The following GSG1L variants were observed in gnomAD, a reference collection of about 807,000 sequenced individuals.
GSG1L encodes the protein germ cell-specific gene 1-like protein.
A neutral mutation model predicts 42.1 loss-of-function variants in GSG1L; 24 were observed. The observed-to-expected ratio is 0.57, with a 90% CI of 0.41 to 0.80. The LOEUF is 0.80. Among genes scored for constraint, GSG1L ranks in the 30% least tolerant of loss-of-function variants. GSG1L has a pLI of 0.00. For missense variants in GSG1L, 445 were observed against 472.2 expected (o/e 0.94, Z 0.53); for synonymous variants, 215 against 203.5 (o/e 1.06, Z -0.48).
Position 27,963,163 on chromosome 16 carries a change from C to T in GSG1L, c.390G>A (p.Ser130=), listed in dbSNP as rs772305546. The T allele has an allele frequency of 6.1e-5, 99 of 1,613,594 alleles. No homozygotes were observed. The highest frequency in any genetic ancestry group is 7.2e-5 in the Non-Finnish European group (85 of 1,179,674). The change falls in exon 2 of 7, where the codon TCG becomes TCA. Residue 130 remains serine, a synonymous_variant. Coordinates refer to ENST00000447459, the MANE Select transcript of GSG1L (RefSeq NM_001109763.2). ...AGCTGGGGTCACACTCACCTTTCTC[C>T]GATGCCGGGGCCAGGTCAATGAAGC... The part of the protein sequence containing the change: ...CRSFIDLAPA[S]EKGVLWLSVV...
intron 1 of GSG1L, among the ~76,000 whole-genome samples, chr16:27,992,680 T>C (rs1200104852): frequency 2.0e-5 from 3 of 152,216 alleles, no homozygotes; most frequent in Admixed American, 2.0e-4. Flanking sequence ...TGCATAGATC[T>C]GCTCATTGCA....
At position 28,063,295 on chromosome 16, in the gene GSG1L, A is replaced by C; in HGVS notation, c.130T>G (p.Cys44Gly). 1 of 1,379,732 alleles carries C rather than the reference A, an allele frequency of 7.2e-7. No individual in the cohort carries two copies. The highest frequency in any genetic ancestry group is 1.4e-5 in the South Asian group (1 of 71,706). 85.5% of individuals were successfully genotyped at this position (1,379,732 alleles called of 1,614,324 possible). The change falls in exon 1 of 7, where the codon TGC becomes GGC. Residue 44 changes from cysteine to glycine, a missense_variant. By Grantham distance (159) the Cys-to-Gly change is radical. This residue lies in a region of GSG1L where 156 missense variants were observed against 128.3 expected (regional missense o/e 1.22). Coordinates refer to ENST00000447459, the MANE Select transcript of GSG1L (RefSeq NM_001109763.2). The surrounding 1 kb of genome is among the most constrained non-coding windows in gnomAD (Gnocchi z 5.8). Reference sequence around the variant, plus strand: ...CAGTTGGCGCGCCCGCCCTGGCCGCAGCCCGGCTTGGGGACCCGCTGCGTG... The same window carrying C: ...CAGTTGGCGCGCCCGCCCTGGCCGCCGCCCGGCTTGGGGACCCGCTGCGTG... ...QGTQRVPKPG[C>G]GQGGRANCPN...
intron 1 of GSG1L, among the ~76,000 whole-genome samples, chr16:27,998,852 T>G (rs973808102): frequency 3.1e-4 from 47 of 151,142 alleles, no homozygotes; most frequent in African/African-American, 1.1e-3. Context: ...AACCAGTCCC[T>G]CCACCTGAAA....
chr16:28,031,225 T>G (rs1305615845), intron 1 of GSG1L, among the ~76,000 whole-genome samples: 8 of 84,836 alleles, frequency 9.4e-5, no homozygotes, highest in African/African-American at 3.6e-4. Context: ...TGGAATAGGA[T>G]GGGATGGGAT....
At chr16:28,028,081 C>T (rs142608571) in intron 1 of GSG1L, among the ~76,000 whole-genome samples, 25 of 152,294 alleles carry the variant, frequency 1.6e-4, no homozygotes, top group African/African-American at 5.5e-4. Context: ...TGTGTCATTT[C>T]GTGAGTCTTT....
chr16:27,851,596 A>G (rs999176587), intron 3 of GSG1L, among the ~76,000 whole-genome samples: 3 of 152,124 alleles, frequency 2.0e-5, no homozygotes, highest in Non-Finnish European at 4.4e-5. Context: ...AGCGGCAAGC[A>G]GAGGGTATGA....
chr16:28,038,578 G>A lies in GSG1L; in HGVS notation c.349+24498C>T, dbSNP rs556144010. Among the ~76,000 whole-genome samples the A allele has an allele frequency of 1.2e-3, 187 of 152,162 alleles. 1 individual carries two copies. Among genetic ancestry groups the A allele is most frequent in the South Asian group, 3.3e-3 (16 of 4,808 alleles). On this transcript the variant is annotated intron_variant, in intron 1 of 6. Coordinates refer to ENST00000447459, the MANE Select transcript of GSG1L (RefSeq NM_001109763.2). ...GGAGTGTGGAATTGGTACTACGGGC[G>A]GTGGGGGGAGTCTGTCTCCATGGTT...
intron 1 of GSG1L, among the ~76,000 whole-genome samples, chr16:28,010,531 TGGA>T (rs1282995889): frequency 4.6e-5 from 7 of 152,154 alleles, no homozygotes; most frequent in African/African-American, 1.4e-4. Flanking sequence ...CTGTTCAATC[TGGA>T]GGTGCCACCG....
intron 1 of GSG1L, among the ~76,000 whole-genome samples, chr16:27,984,618 AT>A (rs1015234218): frequency 7.8e-4 from 119 of 151,890 alleles, no homozygotes; most frequent in African/African-American, 2.8e-3. Flanking sequence ...TCAGGTTATA[AT>A]TTTTTTTCTA....
intron 1 of GSG1L, among the ~76,000 whole-genome samples, chr16:28,056,269 G>A (rs189631069): frequency 1.1e-4 from 17 of 152,092 alleles, no homozygotes; most frequent in African/African-American, 1.9e-4. Context: ...GCACATATAC[G>A]CCATGGAATA....
chr16:27,973,475 G>A (rs1328839351), intron 1 of GSG1L, among the ~76,000 whole-genome samples: 1 of 133,742 alleles, frequency 7.5e-6, no homozygotes, highest in African/African-American at 2.7e-5. Context: ...AAAAGAGTGT[G>A]TGCTTAGGAG....
At chr16:27,819,596 CAG>C (rs1400097256) in intron 5 of GSG1L, among the ~76,000 whole-genome samples, 3 of 152,174 alleles carry the variant, frequency 2.0e-5, no homozygotes, top group African/African-American at 7.2e-5. Flanking sequence ...AGCACTCCAG[CAG>C]AGAGAAGAGT....
At chr16:28,045,388 T>C (rs1033378078) in intron 1 of GSG1L, among the ~76,000 whole-genome samples, 3 of 152,028 alleles carry the variant, frequency 2.0e-5, no homozygotes, top group African/African-American at 4.8e-5. Context: ...TTTAAAAAAG[T>C]GTATTGGCCA....
chr16:28,039,036 G>A (rs985533176), intron 1 of GSG1L, among the ~76,000 whole-genome samples: 4 of 152,128 alleles, frequency 2.6e-5, no homozygotes, highest in African/African-American at 9.7e-5. Context: ...TTGGTGTGGG[G>A]GCTGCAGAGA....
At chr16:28,022,703 T>C (rs2085858328) in intron 1 of GSG1L, among the ~76,000 whole-genome samples, 1 of 152,202 alleles carries the variant, frequency 6.6e-6, no homozygotes, top group African/African-American at 2.4e-5. Context: ...AGTGTCACTC[T>C]GTTGCCCAAG....
intron 1 of GSG1L, among the ~76,000 whole-genome samples, chr16:28,039,072 T>C (rs2086074800): frequency 6.6e-6 from 1 of 152,126 alleles, no homozygotes; most frequent in Non-Finnish European, 1.5e-5. Flanking sequence ...TTTCTAACCT[T>C]AGAAAAGAGA....
At chr16:27,929,818 T>G (rs1278070733) in intron 2 of GSG1L, among the ~76,000 whole-genome samples, 1 of 152,188 alleles carries the variant, frequency 6.6e-6, no homozygotes, top group African/African-American at 2.4e-5. Context: ...CCAACCAGCA[T>G]GGCGTGAGCA....
chr16:27,898,396 C>A (rs1434047967), intron 2 of GSG1L, among the ~76,000 whole-genome samples: 2 of 142,922 alleles, frequency 1.4e-5, no homozygotes, highest in African/African-American at 5.1e-5. Context: ...TCTCATCTCT[C>A]CAGGTCTCCT....
At position 28,040,770 on chromosome 16, in the gene GSG1L, C is replaced by T. The variant is rs938035975; in HGVS notation, c.349+22306G>A. 2.0e-5 allele frequency among the ~76,000 whole-genome samples: 3 copies of T among 152,208 alleles called. No homozygotes were observed. Among genetic ancestry groups the T allele is most frequent in the Admixed American group, 2.0e-4 (3 of 15,282 alleles). On this transcript the variant is annotated intron_variant, in intron 1 of 6. Transcript: ENST00000447459. The surrounding 1 kb of genome is among the most constrained non-coding windows in gnomAD (Gnocchi z 4.1). ...GCTCTGGAGCCCCACATGCCCGCCC[C>T]AGGCAGGGTAGTGCTGACTGGCCGC...
Sources: gnomAD v4.1 joint callset for allele counts (sites outside exome capture counted in the v4.1 genomes callset) on GRCh38, gnomAD v4.1.1 for gene constraint, gnomAD v4.1.1 regional missense constraint, Gnocchi (gnomAD v3.1) non-coding constraint, MANE v1.5 for transcripts, NCBI Gene and HGNC (gene_info 2026-07-23, HGNC 2026-07-21) for gene names.